Variants in ZNF536 observed in about 807,000 individuals in gnomAD.
The protein encoded by ZNF536 is zinc finger protein 536.
A neutral mutation model predicts 84.5 loss-of-function variants in ZNF536; 13 were observed. The ratio of observed to expected loss-of-function variants is 0.15; its 90% CI spans 0.10 to 0.24. The LOEUF (loss-of-function observed/expected upper bound fraction) is 0.24, where lower values mean the gene tolerates loss of function less well. Among genes scored for constraint, ZNF536 ranks in the 10% least tolerant of loss-of-function variants. The pLI, the probability that ZNF536 is intolerant of heterozygous loss-of-function variation, is 1.00. For synonymous variants in ZNF536, 811 were observed against 742.5 expected, an observed-to-expected ratio of 1.09 and a Z score of -1.50; for missense variants, 1,536 against 1,747.5, an observed-to-expected ratio of 0.88 and a Z score of 2.16.
chr19:30,309,548 G>C (rs1359847542), intron 2 of ZNF536, among the ~76,000 whole-genome samples: 3 of 152,204 alleles, frequency 2.0e-5, no homozygotes, highest in African/African-American at 7.2e-5. Context: ...CTTTCCCTCT[G>C]CTACTTGTGT....
At chr19:30,503,514 G>T (rs1473431873) in intron 2 of ZNF536, among the ~76,000 whole-genome samples, 3 of 152,236 alleles carry the variant, frequency 2.0e-5, no homozygotes, top group Non-Finnish European at 4.4e-5. Flanking sequence ...ACAGCAGGTA[G>T]AGTATGATTT....
intron 2 of ZNF536, among the ~76,000 whole-genome samples, chr19:30,469,930 ATAATATT>A (rs2053563584): frequency 6.6e-6 from 1 of 152,202 alleles, no homozygotes; most frequent in Admixed American, 6.5e-5. Flanking sequence ...TGCTAGAAAC[ATAATATT>A]TAGCTGACGG....
chr19:30,707,648 T>C (rs1321101709), intron 1 of ZNF536, among the ~76,000 whole-genome samples: 1 of 152,072 alleles, frequency 6.6e-6, no homozygotes, highest in African/African-American at 2.4e-5. Flanking sequence ...AGTGGGAAGG[T>C]TGATGAAATT....
intron 3 of ZNF536, among the ~76,000 whole-genome samples, chr19:30,546,456 T>C (rs1240120705): frequency 2.6e-5 from 4 of 152,190 alleles, no homozygotes; most frequent in Non-Finnish European, 5.9e-5. Flanking sequence ...CTTGTTCTGA[T>C]AAGGCAGGCA....
chr19:30,306,886 T>A (rs1367588009), intron 2 of ZNF536, among the ~76,000 whole-genome samples: 1 of 152,146 alleles, frequency 6.6e-6, no homozygotes, highest in East Asian at 1.9e-4. Flanking sequence ...ACAAAACATA[T>A]AGATAAAAAT....
intron 3 of ZNF536, among the ~76,000 whole-genome samples, chr19:30,359,508 C>A (rs1249475323): frequency 6.6e-6 from 1 of 152,214 alleles, no homozygotes; most frequent in Non-Finnish European, 1.5e-5. Context: ...ATGTGGGCAG[C>A]AATGCAGAAG....
At chr19:30,433,318 T>A (rs1340958918) in intron 1 of ZNF536, among the ~76,000 whole-genome samples, 3 of 152,180 alleles carry the variant, frequency 2.0e-5, no homozygotes, top group African/African-American at 7.2e-5. Flanking sequence ...CATGAGTCCA[T>A]CCATCTTCCC....
At chr19:30,630,718 G>A (rs961867164) in intron 1 of ZNF536, among the ~76,000 whole-genome samples, 2 of 152,182 alleles carry the variant, frequency 1.3e-5, no homozygotes, top group African/African-American at 4.8e-5. Context: ...CTCAGTCTGG[G>A]TCACTGTCAG....
At chr19:30,283,559 G>A (rs1250560420) in intron 1 of ZNF536, among the ~76,000 whole-genome samples, 1 of 152,230 alleles carries the variant, frequency 6.6e-6, no homozygotes, top group African/African-American at 2.4e-5. Flanking sequence ...TCAGTCAGTT[G>A]CAGATTCCCA....
chr19:30,524,174 C>T (rs1048202410), intron 2 of ZNF536, among the ~76,000 whole-genome samples: 2 of 152,168 alleles, frequency 1.3e-5, no homozygotes, highest in African/African-American at 4.8e-5. Context: ...CTCAAGTCAG[C>T]CCCAAACTGT....
At chr19:30,383,645 C>T (rs554753618) in intron 1 of ZNF536, among the ~76,000 whole-genome samples, 3 of 20,786 alleles carry the variant, frequency 1.4e-4, no homozygotes, top group Non-Finnish European at 2.8e-4. Context: ...TTTCTTCCTT[C>T]CTTTCTTTCT....
At chr19:30,617,176 G>T in intron 1 of ZNF536, among the ~76,000 whole-genome samples, 2 of 148,148 alleles carry the variant, frequency 1.3e-5, no homozygotes, top group African/African-American at 5.0e-5. Flanking sequence ...GGTGGTATTT[G>T]GTTACATGGG....
intron 1 of ZNF536, among the ~76,000 whole-genome samples, chr19:30,405,968 G>A (rs2050247406): frequency 6.6e-6 from 1 of 152,088 alleles, no homozygotes; most frequent in South Asian, 2.1e-4. Context: ...CGTAGAGACG[G>A]GATTTACCAT....
chr19:30,659,602 G>A (rs968666666), intron 1 of ZNF536, among the ~76,000 whole-genome samples: 9 of 152,222 alleles, frequency 5.9e-5, no homozygotes, highest in Non-Finnish European at 1.0e-4. Context: ...TGGAAAGCAC[G>A]TCTGCATGGC....
chr19:30,704,363 T>C (rs1293983221), intron 1 of ZNF536, among the ~76,000 whole-genome samples: 2 of 152,060 alleles, frequency 1.3e-5, no homozygotes, highest in African/African-American at 4.8e-5. Context: ...AAGAGATAGA[T>C]GGGCTGGGCA....
intron 1 of ZNF536, among the ~76,000 whole-genome samples, chr19:30,420,036 G>A (rs906593879): frequency 1.3e-5 from 2 of 152,172 alleles, no homozygotes; most frequent in Non-Finnish European, 2.9e-5. Flanking sequence ...GGCAGGCTGG[G>A]CGCTGGGCAG....
intron 3 of ZNF536, among the ~76,000 whole-genome samples, chr19:30,547,402 A>G (rs1228751582): frequency 6.6e-6 from 1 of 152,202 alleles, no homozygotes; most frequent in African/African-American, 2.4e-5. Context: ...ATAATGATAA[A>G]TTACTTGTGC....
At chr19:30,601,985 T>C (rs2011829065) in intron 1 of ZNF536, among the ~76,000 whole-genome samples, 2 of 152,306 alleles carry the variant, frequency 1.3e-5, no homozygotes, top group South Asian at 2.1e-4. Flanking sequence ...CCCACAGTCA[T>C]TGGGAAGCAA....
rs2050396349 is a variant in ZNF536 at position 30,409,499 on chromosome 19, G to C, written c.-2-34062G>C. 5.3e-5 allele frequency among the ~76,000 whole-genome samples: 8 copies of C among 152,288 alleles called. No individual in the cohort carries two copies. The South Asian group carries it at 6.2e-4, about 12-fold the overall frequency. ...CAGACAAGGAAGAAGGGCAATCTAG[G>C]TGTACTTTTATAAATGACACTTTGA... is the stretch of plus-strand genomic sequence containing the variant. On this transcript the variant is annotated intron_variant, in intron 1 of 4. Transcript: ENST00000355537.
Sources: gnomAD v4.1 joint callset for allele counts (sites outside exome capture counted in the v4.1 genomes callset) on GRCh38, gnomAD v4.1.1 for gene constraint, MANE v1.5 for transcripts, NCBI Gene and HGNC (gene_info 2026-07-23, HGNC 2026-07-21) for gene names.